Variants in ELP1 observed in about 807,000 individuals in gnomAD.
ELP1 encodes the protein elongator acetyltransferase complex subunit 1.
A neutral mutation model predicts 183.2 loss-of-function variants in ELP1; 131 were observed. The observed-to-expected ratio is 0.72, with a 90% CI of 0.62 to 0.83. The LOEUF is 0.83. ELP1 is among the 40% of genes least tolerant of loss of function. The pLI is 0.00. For synonymous variants in ELP1, 555 were observed against 569.0 expected (o/e 0.98, Z 0.35); for missense variants, 1,550 against 1,594.9 (o/e 0.97, Z 0.48).
At position 108,879,577 on chromosome 9, in the gene ELP1, A is replaced by G. The variant is rs1226669665; in HGVS notation, c.3461-20T>C. Reference sequence around the variant, plus strand: ...CATCATCTAGAAAAGAAGAACCAGAAGCCGATGAAAACACTGCCTGCTAAT... The same window carrying G: ...CATCATCTAGAAAAGAAGAACCAGAGGCCGATGAAAACACTGCCTGCTAAT... On this transcript the variant is annotated intron_variant, in intron 32 of 36. Transcript: ENST00000374647. The G allele has an allele frequency of 6.4e-7, 1 of 1,571,600 alleles. No individual in the cohort carries two copies. The highest frequency in any genetic ancestry group is 1.7e-5 in the Admixed American group (1 of 59,932).
chr9:108,933,489 C>A (rs1481470140), intron 1 of ELP1, among the ~76,000 whole-genome samples: 1 of 152,228 alleles, frequency 6.6e-6, no homozygotes, highest in East Asian at 1.9e-4. Flanking sequence ...GAGGACACCA[C>A]CTCCACGAAA....
At chr9:108,881,266 A>G (rs559889767) in intron 31 of ELP1, among the ~76,000 whole-genome samples, 2 of 152,300 alleles carry the variant, frequency 1.3e-5, no homozygotes, top group African/African-American at 2.4e-5. Flanking sequence ...GCATACACAC[A>G]TTCATTAATA....
intron 29 of ELP1, among the ~76,000 whole-genome samples, chr9:108,887,464 C>G (rs10117015): frequency 0.22 from 33,147 of 152,038 alleles, 4,027 homozygotes; most frequent in African/African-American, 0.32. Flanking sequence ...CACCCAAGAG[C>G]TTCTAGAACT....
Position 108,924,986 on chromosome 9 carries a change from TA to T in ELP1, c.466+1536del, listed in dbSNP as rs34081461. On this transcript the variant is annotated intron_variant, in intron 5 of 36. Transcript: ENST00000374647. Reference sequence around the variant, plus strand: ...GAAGGGGAATCATGCACATATATTCTAAAAAAGTTTCCCAGCTAATTCTAAA... The same window carrying T: ...GAAGGGGAATCATGCACATATATTCTAAAAAGTTTCCCAGCTAATTCTAAA... 4.8e-3 allele frequency among the ~76,000 whole-genome samples: 731 copies of T among 152,320 alleles called. 8 individuals carry two copies. The highest frequency in any genetic ancestry group is 0.017 in the African/African-American group (693 of 41,568).
chr9:108,925,780 G>A (rs532844262), intron 5 of ELP1, among the ~76,000 whole-genome samples: 60 of 152,216 alleles, frequency 3.9e-4, no homozygotes, highest in Middle Eastern at 3.4e-3. Flanking sequence ...AAACTCCTGG[G>A]CTCAAGCAAT....
Position 108,872,803 on chromosome 9 carries a change from TGAAAAAAAAAAAAAAAA to T in ELP1, c.3931+2075_3931+2091del, listed in dbSNP as rs1407293771. Among the ~76,000 whole-genome samples, 7 of 62,810 alleles carry T rather than the reference TGAAAAAAAAAAAAAAAA, an allele frequency of 1.1e-4. 1 individual carries two copies. Among genetic ancestry groups the T allele is most frequent in the South Asian group, 1.5e-3 (2 of 1,324 alleles). 41.2% of individuals were successfully genotyped at this position (62,810 alleles called of 152,430 possible). ...CTGGGCCACAGAGCAAGACTCTGTC[TGAAAAAAAAAAAAAAAA>T]AAAAAAAAAAAAAAAAAAACTAGTT... On this transcript the variant is annotated intron_variant, in intron 36 of 36. Coordinates refer to ENST00000374647, the MANE Select transcript of ELP1 (RefSeq NM_003640.5).
intron 28 of ELP1, 113 bp from the exon 29 acceptor site, chr9:108,889,506 T>C (rs193147462): frequency 1.0e-6 from 1 of 963,122 alleles, no homozygotes. Flanking sequence ...TGAATTTCTG[T>C]GAGGGAATAG....
At chr9:108,919,058 G>A (rs1829550583) in intron 7 of ELP1, among the ~76,000 whole-genome samples, 157 bp from the exon 8 acceptor site, 1 of 152,122 alleles carries the variant, frequency 6.6e-6, no homozygotes, top group Admixed American at 6.5e-5. Flanking sequence ...TGTCCACCAG[G>A]TAGGAGGATG....
intron 1 of ELP1, among the ~76,000 whole-genome samples, chr9:108,932,573 C>A (rs1359627910): frequency 3.9e-5 from 6 of 152,088 alleles, no homozygotes; most frequent in Non-Finnish European, 7.4e-5. Flanking sequence ...AACTCCTAAC[C>A]TCAAGTGATC....
intron 29 of ELP1, among the ~76,000 whole-genome samples, chr9:108,883,596 A>T (rs1463407306): frequency 6.6e-6 from 1 of 151,762 alleles, no homozygotes; most frequent in South Asian, 2.1e-4. Flanking sequence ...AAAGGTCATT[A>T]AAAAATTTCC....
chr9:108,904,484 T>C (rs1212725518), intron 14 of ELP1, among the ~76,000 whole-genome samples: 1 of 152,204 alleles, frequency 6.6e-6, no homozygotes, highest in Non-Finnish European at 1.5e-5. Context: ...ATGATGTTAA[T>C]GCTAACATTT....
intron 5 of ELP1, among the ~76,000 whole-genome samples, chr9:108,923,880 C>T (rs2132039047): frequency 6.6e-6 from 1 of 152,338 alleles, no homozygotes; most frequent in South Asian, 2.1e-4. Context: ...GAAAACATCA[C>T]CTAATCCAGG....
chr9:108,876,335 T>G (rs1827704632), intron 35 of ELP1, among the ~76,000 whole-genome samples: 1 of 152,210 alleles, frequency 6.6e-6, no homozygotes, highest in Non-Finnish European at 1.5e-5. Context: ...ACATTTCTTC[T>G]AAGAAATACC....
intron 31 of ELP1, 144 bp from the exon 32 acceptor site, chr9:108,880,309 T>C (rs143838889): frequency 5.2e-4 from 354 of 674,900 alleles, no homozygotes; most frequent in Non-Finnish European, 8.9e-4. Flanking sequence ...TTTTCCTTAA[T>C]AAGCATTAAC....
At position 108,918,646 on chromosome 9, in the gene ELP1, G is replaced by GA. The variant is rs35212638; in HGVS notation, c.740+164dup. 0.24 allele frequency among the ~76,000 whole-genome samples: 33,398 copies of GA among 138,366 alleles called. 4,439 individuals are homozygous for GA. Among genetic ancestry groups the GA allele is most frequent in the Admixed American group, 0.32 (4,583 of 14,140 alleles). The allele number at this position is 138,366 out of a possible 152,430, so 90.8% of individuals were successfully genotyped here. ...GTTGAATTCAGACTTCAGGGAATAA[G>GA]AAAAAAAAAAAAGAAGAAACAAAGA... On this transcript the variant is annotated intron_variant, in intron 8 of 36. Transcript: ENST00000374647.
chr9:108,893,001 G>T lies in ELP1; in HGVS notation c.2943C>A (p.Ser981Arg). 1 of 1,613,006 alleles carries T rather than the reference G, an allele frequency of 6.2e-7. No homozygotes were observed. The highest frequency in any genetic ancestry group is 1.1e-5 in the South Asian group (1 of 91,052). The change falls in exon 27 of 37, where the codon AGC becomes AGA. Residue 981 changes from serine (S) to arginine (R), a missense_variant. By Grantham distance (110) the Ser-to-Arg change is moderately radical. Transcript: ENST00000374647. ...TACCACATACCTGGTACTGTTGTGAGCTTGGTGAATATAACTTCAGAGCTT... is the reference window on the plus strand; with the variant it reads ...TACCACATACCTGGTACTGTTGTGATCTTGGTGAATATAACTTCAGAGCTT... ...YNEALKLYSP[S>R]SQQYQDISIA...
In ELP1 at chr9:108,897,213, G is replaced by A. The variant is rs113967847; in HGVS notation, c.2436C>T (p.Asp812=). 117 of 1,613,998 alleles carry A rather than the reference G, an allele frequency of 7.2e-5. No homozygotes were observed. The African/African-American group carries it at 1.1e-3, about 15-fold the overall frequency. ...CGCAGACAAGGTCTATTTTATTCCC[G>A]TCAGGATCCCTGGACAGGTAGACAC... ...TSSVYLSRDP[D]GNKIDLVCDA... The change falls in exon 23 of 37, where the codon GAC becomes GAT. Residue 812 remains aspartate (D), a synonymous_variant. Transcript: ENST00000374647.
At chr9:108,884,126 A>G (rs6477685) in intron 29 of ELP1, among the ~76,000 whole-genome samples, 141,215 of 152,172 alleles carry the variant, frequency 0.93, 65,708 homozygotes, top group African/African-American at 0.98. Context: ...ACCAAGAGAA[A>G]GCTGGAAGAA....
chr9:108,875,652 T>C lies in ELP1; in HGVS notation c.3856-682A>G, dbSNP rs1406760943. 4 of 364,928 alleles carry C rather than the reference T, an allele frequency of 1.1e-5. No homozygotes were observed. In the Admixed American group the frequency reaches 1.5e-4, roughly 14 times the overall value. The allele number at this position is 364,928 out of a possible 1,614,324, so 22.6% of individuals were successfully genotyped here. On this transcript the variant is annotated intron_variant, in intron 35 of 36. Coordinates refer to ENST00000374647, the MANE Select transcript of ELP1 (RefSeq NM_003640.5). The stretch of plus-strand genomic sequence containing the variant: ...GCTTACACCTGTAATCTCAGCACTT[T>C]GGGAGGCCAAGGCAGGAGGATCACT...
Sources: allele counts gnomAD v4.1 joint callset (sites outside exome capture counted in the v4.1 genomes callset), GRCh38; gene constraint gnomAD v4.1.1; transcripts MANE v1.5; gene names NCBI Gene and HGNC (gene_info 2026-07-23, HGNC 2026-07-21).